Variants in GLRA3 observed in about 807,000 individuals in gnomAD.
The protein encoded by GLRA3 is glycine receptor alpha 3.
Under a neutral mutation model 60.4 loss-of-function variants are expected in GLRA3, and 44 were observed. The observed-to-expected ratio is 0.73, with a 90% CI of 0.57 to 0.94. The LOEUF (loss-of-function observed/expected upper bound fraction) is 0.94. GLRA3 is among the 40% of genes least tolerant of loss of function. The probability of loss-of-function intolerance (pLI) is 0.00; values close to 1 mark genes in which losing one functional copy is unlikely to be tolerated. For synonymous variants in GLRA3, 223 were observed against 192.9 expected (o/e 1.16, Z -1.29); for missense variants, 508 against 564.6 (o/e 0.90, Z 1.02).
chr4:174,668,408 T>C (rs1360049558), intron 7 of GLRA3, among the ~76,000 whole-genome samples: 3 of 152,118 alleles, frequency 2.0e-5, no homozygotes, highest in East Asian at 1.9e-4. Context: ...ACAAGTACAT[T>C]GAGTGAGCTG....
At chr4:174,784,853 C>A (rs1391674653) in intron 2 of GLRA3, among the ~76,000 whole-genome samples, 1 of 151,770 alleles carries the variant, frequency 6.6e-6, no homozygotes, top group Non-Finnish European at 1.5e-5. Context: ...GTCAAATTAT[C>A]CTAAAGGCAC....
At chr4:174,713,600 T>G (rs1188165773) in intron 5 of GLRA3, 1 of 152,222 alleles carries the variant, frequency 6.6e-6, no homozygotes, top group Non-Finnish European at 1.5e-5. Context: ...TTACAAAACT[T>G]TCTTTGCAGC....
chr4:174,817,838 C>A (rs576630401), intron 1 of GLRA3, among the ~76,000 whole-genome samples: 1 of 152,198 alleles, frequency 6.6e-6, no homozygotes, highest in East Asian at 1.9e-4. Context: ...AACGCCTGAC[C>A]TCTAATGATC....
chr4:174,769,482 G>A (rs1164189795), intron 2 of GLRA3, among the ~76,000 whole-genome samples: 4 of 151,940 alleles, frequency 2.6e-5, no homozygotes, highest in Non-Finnish European at 4.4e-5. Context: ...CACATGAATC[G>A]TTAACTTATC....
chr4:174,777,382 C>T (rs534013390), intron 2 of GLRA3, among the ~76,000 whole-genome samples: 12 of 152,126 alleles, frequency 7.9e-5, no homozygotes, highest in East Asian at 3.9e-4. Flanking sequence ...TATCAAGCCA[C>T]GAAAAGACAC....
At chr4:174,703,991 A>C (rs553453340) in intron 5 of GLRA3, among the ~76,000 whole-genome samples, 117 of 151,542 alleles carry the variant, frequency 7.7e-4, no homozygotes, top group African/African-American at 2.5e-3. Flanking sequence ...GATTATTTTG[A>C]GAATTAATTA....
At chr4:174,767,126 A>T in intron 2 of GLRA3, 96 bp from the exon 3 acceptor site, 1 of 94,616 alleles carries the variant, frequency 1.1e-5, no homozygotes, top group Admixed American at 1.4e-4. Flanking sequence ...TCCATTTTAC[A>T]CACACACACA....
intron 1 of GLRA3, among the ~76,000 whole-genome samples, chr4:174,790,015 ATTAAG>A (rs1324500197): frequency 6.6e-6 from 1 of 152,220 alleles, no homozygotes; most frequent in African/African-American, 2.4e-5. Flanking sequence ...AGCCATCATC[ATTAAG>A]TTGTTTACCA....
At chr4:174,696,939 A>G (rs1056823732) in intron 5 of GLRA3, among the ~76,000 whole-genome samples, 3 of 152,114 alleles carry the variant, frequency 2.0e-5, no homozygotes, top group African/African-American at 7.2e-5. Flanking sequence ...TAATGCATTC[A>G]TTTTTGTTTG....
intron 8 of GLRA3, 27 bp downstream of exon 8, chr4:174,659,027 C>G (rs561400457): frequency 2.5e-6 from 4 of 1,594,642 alleles, no homozygotes; most frequent in Non-Finnish European, 3.4e-6. Flanking sequence ...CTGGATTCTG[C>G]CAAACCCAAT....
In GLRA3 at chr4:174,682,886, G is replaced by A; in HGVS notation, c.628C>T (p.Gln210Ter). The part of the protein sequence containing the change: ...IFEWQDEAPV[Q>*]VAEGLTLPQF... The stretch of plus-strand genomic sequence containing the variant: ...GGCAAAGTGAGTCCTTCTGCCACTT[G>A]TACGGGTGCCTCATCTTGCCATTCA... The change falls in exon 6 of 10, where the codon CAA (glutamine) becomes TAA (stop). Residue 210 changes from glutamine to a stop codon, truncating the protein, a stop_gained. Transcript: ENST00000274093. LOFTEE classifies it high-confidence loss of function. 3.1e-6 allele frequency: 5 copies of A among 1,612,414 alleles called. No individual in the cohort carries two copies. The highest frequency in any genetic ancestry group is 4.2e-6 in the Non-Finnish European group (5 of 1,178,424).
chr4:174,666,280 A>T (rs1479814874), intron 7 of GLRA3, among the ~76,000 whole-genome samples: 1 of 152,112 alleles, frequency 6.6e-6, no homozygotes, highest in Admixed American at 6.6e-5. Context: ...GCTAGCTTTG[A>T]TCCTAAAATC....
At chr4:174,748,103 C>T (rs1366213149) in intron 3 of GLRA3, among the ~76,000 whole-genome samples, 2 of 152,110 alleles carry the variant, frequency 1.3e-5, no homozygotes, top group African/African-American at 4.8e-5. Context: ...AAGGCAGTGC[C>T]TCTGATTGAA....
At chr4:174,656,836 A>G in intron 8 of GLRA3, 49 bp from the exon 9 acceptor site, 1 of 1,013,186 alleles carries the variant, frequency 9.9e-7, no homozygotes, top group South Asian at 1.3e-5. Flanking sequence ...CCAGAGAATC[A>G]ATTCATATAT....
intron 5 of GLRA3, among the ~76,000 whole-genome samples, chr4:174,702,165 T>G (rs896893593): frequency 6.6e-6 from 1 of 152,058 alleles, no homozygotes; most frequent in Non-Finnish European, 1.5e-5. Flanking sequence ...TTTAAGTAAT[T>G]TCCACAGCCA....
At chr4:174,698,523 A>G (rs975850914) in intron 5 of GLRA3, among the ~76,000 whole-genome samples, 2 of 152,138 alleles carry the variant, frequency 1.3e-5, no homozygotes, top group African/African-American at 4.8e-5. Flanking sequence ...ATTTTTCAGT[A>G]CCACTATTTA....
At chr4:174,743,165 A>G (rs777981825) in intron 3 of GLRA3, among the ~76,000 whole-genome samples, 1 of 152,226 alleles carries the variant, frequency 6.6e-6, no homozygotes, top group African/African-American at 2.4e-5. Context: ...ACATATTCAT[A>G]GTAGTTTTTG....
At chr4:174,810,834 G>A (rs1740237750) in intron 1 of GLRA3, among the ~76,000 whole-genome samples, 1 of 152,084 alleles carries the variant, frequency 6.6e-6, no homozygotes, top group Non-Finnish European at 1.5e-5. Context: ...CAGCATTTCA[G>A]GGAAATAGTT....
At chr4:174,705,305 A>G (rs7684257) in intron 5 of GLRA3, among the ~76,000 whole-genome samples, 63,921 of 142,388 alleles carry the variant, frequency 0.45, 19,565 homozygotes, top group East Asian at 0.92. Flanking sequence ...ACGCCCTAGC[A>G]GATGCTGGCA....
Sources: gnomAD v4.1 joint callset for allele counts (sites outside exome capture counted in the v4.1 genomes callset) on GRCh38, gnomAD v4.1.1 for gene constraint, MANE v1.5 for transcripts, NCBI Gene and HGNC (gene_info 2026-07-23, HGNC 2026-07-21) for gene names.